ERCC1: variants seen among roughly 807,000 people sequenced by gnomAD.
ERCC1 encodes the protein ERCC excision repair 1, endonuclease non-catalytic subunit.
A neutral mutation model predicts 37.6 loss-of-function variants in ERCC1; 36 were observed. The ratio of observed to expected loss-of-function variants is 0.96; its 90% CI spans 0.73 to 1.26. The LOEUF is 1.26. Ranked by LOEUF, ERCC1 falls within the 50% of genes most tolerant of loss-of-function variation. The probability of loss-of-function intolerance (pLI) is 0.00; values close to 1 mark genes in which losing one functional copy is unlikely to be tolerated. For missense variants in ERCC1, 349 were observed against 376.5 expected (o/e 0.93, Z 0.60); for synonymous variants, 156 against 162.1 (o/e 0.96, Z 0.28).
chr19:45,419,484 G>A (rs1191644154), intron 4 of ERCC1: 1 of 422,732 alleles, frequency 2.4e-6, no homozygotes, highest in South Asian at 2.1e-5. Context: ...ACAGGTGCCA[G>A]GGGCCCTAGA....
rs368093760 is a variant in ERCC1, at chr19:45,409,638, A to G, written c.*37T>C. 1.0e-4 allele frequency: 149 copies of G among 1,477,470 alleles called. No homozygotes were observed. Among genetic ancestry groups the G allele is most frequent in the Non-Finnish European group, 1.3e-4 (138 of 1,058,382 alleles). 91.5% of individuals were successfully genotyped at this position (1,477,470 alleles called of 1,614,324 possible). ...GGAGCCTGGCCTGGGAGGACGATTT[A>G]TTATTACACTGGGGGTTTCCTTGGC... On this transcript the variant is annotated 3_prime_UTR_variant, in exon 10 of 10. Transcript: ENST00000300853.
chr19:45,416,422 G>A (rs1430861468), intron 6 of ERCC1: 3 of 225,056 alleles, frequency 1.3e-5, no homozygotes, highest in East Asian at 1.2e-4. Context: ...AGGGTAAGGC[G>A]GGAGGATCAC....
At chr19:45,437,092 A>G (rs1319234652) in intron 1 of ERCC1, among the ~76,000 whole-genome samples, 1 of 152,044 alleles carries the variant, frequency 6.6e-6, no homozygotes, top group African/African-American at 2.4e-5. Context: ...TCCACTAAAA[A>G]TACAAAATTA....
intron 1 of ERCC1, among the ~76,000 whole-genome samples, chr19:45,429,833 G>A (rs1385254924): frequency 1.3e-5 from 2 of 152,128 alleles, no homozygotes; most frequent in African/African-American, 2.4e-5. Flanking sequence ...CACCCAGGCT[G>A]TAGTGCAGTG....
At chr19:45,421,074 G>T (rs2123519006) in intron 3 of ERCC1, 104 bp downstream of exon 3, 1 of 927,946 alleles carries the variant, frequency 1.1e-6, no homozygotes, top group Non-Finnish European at 1.8e-6. Flanking sequence ...TGAATGGGGA[G>T]AACAAAGTGG....
chr19:45,431,036 T>C (rs939164011), intron 1 of ERCC1, among the ~76,000 whole-genome samples: 6 of 152,166 alleles, frequency 3.9e-5, no homozygotes, highest in Admixed American at 2.6e-4. Flanking sequence ...TACTGCAACC[T>C]CCACCTCCCG....
chr19:45,423,411 G>A, intron 1 of ERCC1, 30 bp from the exon 2 acceptor site: 1 of 1,585,614 alleles, frequency 6.3e-7, no homozygotes, highest in Non-Finnish European at 8.6e-7. Flanking sequence ...GAGCGAGTGA[G>A]CCACTGGCGT....
chr19:45,445,324 A>G (rs1966909609), intron 1 of ERCC1, among the ~76,000 whole-genome samples: 1 of 152,202 alleles, frequency 6.6e-6, no homozygotes, highest in Non-Finnish European at 1.5e-5. Flanking sequence ...CCCAATCAAC[A>G]GGTATTTATT....
intron 1 of ERCC1, among the ~76,000 whole-genome samples, chr19:45,435,953 A>T (rs1430721075): frequency 2.0e-5 from 3 of 152,024 alleles, no homozygotes. Flanking sequence ...TTTAGTAGAG[A>T]CGGGGTTTCA....
intron 2 of ERCC1, among the ~76,000 whole-genome samples, chr19:45,421,994 G>A (rs1156443243): frequency 2.0e-5 from 3 of 151,890 alleles, no homozygotes; most frequent in Non-Finnish European, 4.4e-5. Flanking sequence ...AGAAGGCTGA[G>A]AGCTCAAAAT....
intron 1 of ERCC1, among the ~76,000 whole-genome samples, chr19:45,432,962 C>G (rs1317654107): frequency 6.6e-6 from 1 of 152,220 alleles, no homozygotes; most frequent in Non-Finnish European, 1.5e-5. Context: ...TGCCTCTAAT[C>G]CCACCTACTC....
At chr19:45,435,365 C>T (rs1049688387) in intron 1 of ERCC1, among the ~76,000 whole-genome samples, 1 of 152,222 alleles carries the variant, frequency 6.6e-6, no homozygotes, top group Non-Finnish European at 1.5e-5. Flanking sequence ...GGAAGGTAGA[C>T]TCTTATCCAA....
intron 5 of ERCC1, 37 bp downstream of exon 5, chr19:45,419,061 G>T: frequency 7.0e-7 from 1 of 1,419,884 alleles, no homozygotes. Flanking sequence ...CAACCTCAAA[G>T]CCCGGTGAGG....
chr19:45,434,571 T>C (rs1974924837), intron 1 of ERCC1, among the ~76,000 whole-genome samples: 1 of 152,110 alleles, frequency 6.6e-6, no homozygotes, highest in African/African-American at 2.4e-5. Context: ...TTTCTTGTCT[T>C]ACAGCATTTT....
At position 45,407,873 on chromosome 19, in the gene ERCC1, T is replaced by G. The variant is rs1406582118; in HGVS notation, c.*1802A>C. ...GAGTTCAAGACCAGCCTGGCCAACA[T>G]AGTGAAATTGTCTCTACTAAAAATA... On this transcript the variant is annotated 3_prime_UTR_variant, in exon 10 of 10. Transcript: ENST00000300853. 2.8e-6 allele frequency: 1 copy of G among 352,416 alleles called. No homozygotes were observed. The highest frequency in any genetic ancestry group is 5.1e-6 in the Non-Finnish European group (1 of 194,958). The allele number at this position is 352,416 out of a possible 1,614,324, so 21.8% of individuals were successfully genotyped here.
At chr19:45,428,853 C>G (rs1456366339), upstream of ERCC1, 1 of 151,818 alleles carries the variant, frequency 6.6e-6, no homozygotes, top group Non-Finnish European at 1.5e-5. Flanking sequence ...CGCAGGGGGG[C>G]CCGAGTGGAG....
chr19:45,414,309 T>C, intron 7 of ERCC1: 1 of 498,982 alleles, frequency 2.0e-6, no homozygotes, highest in Non-Finnish European at 3.7e-6. Flanking sequence ...AACCCCATCT[T>C]TACTAAAAAA....
chr19:45,408,964 A>G lies in ERCC1; in HGVS notation c.*711T>C, dbSNP rs1202246031. 6.2e-7 allele frequency: 1 copy of G among 1,613,936 alleles called. No individual in the cohort carries two copies. On this transcript the variant is annotated 3_prime_UTR_variant, in exon 10 of 10. Transcript: ENST00000300853. ...TGCCCCCTACGAAGAAGAGGAAAAAAGAAAAGGGACAGATGGCAATGATGG... is the reference window on the plus strand; with the variant it reads ...TGCCCCCTACGAAGAAGAGGAAAAAGGAAAAGGGACAGATGGCAATGATGG...
At chr19:45,410,595 G>GTGTA (rs1217275152) in intron 9 of ERCC1, 1 of 151,660 alleles carries the variant, frequency 6.6e-6, no homozygotes, top group Non-Finnish European at 1.5e-5. Context: ...GTGTGTGTGT[G>GTGTA]TGGTACCCAT....
Sources: allele counts gnomAD v4.1 joint callset (sites outside exome capture counted in the v4.1 genomes callset), GRCh38; gene constraint gnomAD v4.1.1; transcripts MANE v1.5; gene names NCBI Gene and HGNC (gene_info 2026-07-23, HGNC 2026-07-21).